The following SGPL1 variants were observed in gnomAD, a reference collection of about 807,000 sequenced individuals.
SGPL1 encodes the protein SP-lyase 1.
A neutral mutation model predicts 68.9 loss-of-function variants in SGPL1; 37 were observed. The ratio of observed to expected loss-of-function variants is 0.54; its 90% CI spans 0.41 to 0.71. SGPL1 has a LOEUF of 0.71. Among genes scored for constraint, SGPL1 ranks in the 30% least tolerant of loss-of-function variants. The pLI is 0.00. For missense variants in SGPL1, 551 were observed against 704.6 expected (o/e 0.78, Z 2.47); for synonymous variants, 236 against 248.5 (o/e 0.95, Z 0.47).
chr10:70,848,144 T>C (rs956750150), intron 3 of SGPL1, among the ~76,000 whole-genome samples: 1 of 152,238 alleles, frequency 6.6e-6, no homozygotes, highest in Admixed American at 6.5e-5. Flanking sequence ...CAGTTTCTTG[T>C]TGTGTCACCT....
intron 6 of SGPL1, among the ~76,000 whole-genome samples, chr10:70,858,596 G>A (rs1846000599): frequency 6.6e-6 from 1 of 152,140 alleles, no homozygotes; most frequent in South Asian, 2.1e-4. Flanking sequence ...CTGATCTTCT[G>A]TGCTTAAAAT....
intron 2 of SGPL1, among the ~76,000 whole-genome samples, chr10:70,825,406 A>T (rs1013394265): frequency 2.3e-4 from 35 of 152,206 alleles, no homozygotes; most frequent in African/African-American, 7.7e-4. Flanking sequence ...GGAGGAGATC[A>T]TCTGGAGGGG....
chr10:70,837,796 T>G (rs1255477140), intron 2 of SGPL1, among the ~76,000 whole-genome samples: 2 of 152,178 alleles, frequency 1.3e-5, no homozygotes, highest in Non-Finnish European at 2.9e-5. Context: ...ATTGGGTAAT[T>G]ATAAACAATA....
At chr10:70,859,160 A>G (rs1349068413) in intron 6 of SGPL1, among the ~76,000 whole-genome samples, 1 of 152,174 alleles carries the variant, frequency 6.6e-6, no homozygotes, top group Non-Finnish European at 1.5e-5. Context: ...AACCATATTT[A>G]TACTTCTTTC....
intron 2 of SGPL1, among the ~76,000 whole-genome samples, chr10:70,819,623 G>A (rs1477250299): frequency 1.4e-5 from 2 of 147,654 alleles, no homozygotes; most frequent in Admixed American, 6.7e-5. Context: ...GTCATGGGAT[G>A]CAGCTTTTTT....
At chr10:70,826,191 T>G (rs1845433126) in intron 2 of SGPL1, among the ~76,000 whole-genome samples, 1 of 151,994 alleles carries the variant, frequency 6.6e-6, no homozygotes, top group Admixed American at 6.6e-5. Flanking sequence ...TCAAAAAAAT[T>G]ACAACACAGT....
At chr10:70,835,023 TCTC>T (rs10599100) in intron 2 of SGPL1, among the ~76,000 whole-genome samples, 52,111 of 151,724 alleles carry the variant, frequency 0.34, 9,241 homozygotes, top group South Asian at 0.5. Flanking sequence ...AACCAGCCAT[TCTC>T]CTCTGCAGAT....
chr10:70,861,733 C>T (rs1846060172), intron 7 of SGPL1, among the ~76,000 whole-genome samples: 1 of 152,206 alleles, frequency 6.6e-6, no homozygotes, highest in African/African-American at 2.4e-5. Flanking sequence ...GCCCCGCACT[C>T]GGAGCAGCCG....
At chr10:70,847,855 T>A (rs1205515510) in intron 3 of SGPL1, among the ~76,000 whole-genome samples, 1 of 152,058 alleles carries the variant, frequency 6.6e-6, no homozygotes, top group African/African-American at 2.4e-5. Context: ...ACTAAAGGAG[T>A]CTGAAGTCTG....
At position 70,816,017 on chromosome 10, in the gene SGPL1, G is replaced by A. The variant is rs1005594891; in HGVS notation, c.-153G>A. 2.6e-5 allele frequency: 4 copies of A among 151,596 alleles called. No individual in the cohort carries two copies. The highest frequency in any genetic ancestry group is 2.9e-5 in the Non-Finnish European group (2 of 67,912). 9.4% of individuals were successfully genotyped at this position (151,596 alleles called of 1,614,324 possible). A position where few individuals can be genotyped will look rare whatever the true frequency, so the allele number is the denominator to read the frequency against. On this transcript the variant is annotated 5_prime_UTR_variant, in exon 1 of 15. Coordinates refer to ENST00000373202, the MANE Select transcript of SGPL1 (RefSeq NM_003901.4). Reference sequence around the variant, plus strand: ...CGGCGGCGGCGGCGGCAACAGGGGAGCCTGGGTCTCGCGGCCTGCGAGTCC... The same window carrying A: ...CGGCGGCGGCGGCGGCAACAGGGGAACCTGGGTCTCGCGGCCTGCGAGTCC...
intron 14 of SGPL1, 59 bp downstream of exon 14, chr10:70,876,720 T>G: frequency 1.3e-6 from 2 of 1,497,972 alleles, no homozygotes; most frequent in East Asian, 2.3e-5. Context: ...GTGGAGAGTT[T>G]GAAGGAATCA....
At chr10:70,816,333 G>A (rs1487450829) in intron 1 of SGPL1, among the ~76,000 whole-genome samples, 1 of 151,544 alleles carries the variant, frequency 6.6e-6, no homozygotes, top group African/African-American at 2.4e-5. Context: ...GCGGGGCCGC[G>A]GTGGGGCGGG....
At chr10:70,867,199 TAAAA>T (rs1390343852) in intron 7 of SGPL1, among the ~76,000 whole-genome samples, 2 of 152,114 alleles carry the variant, frequency 1.3e-5, no homozygotes, top group Non-Finnish European at 2.9e-5. Flanking sequence ...TATTATTTTT[TAAAA>T]AAATAGCCAG....
In SGPL1 at chr10:70,857,695, G is replaced by A. The variant is rs1845988450; in HGVS notation, c.486+5G>A. ...CTCACTGAGCTCCTTGTGAAGGTGA[G>A]TGTCCAGTTCTTGAGGGAAGCCTGT... On this transcript the variant is annotated splice_donor_5th_base_variant and intron_variant, in intron 6 of 14. Coordinates refer to ENST00000373202, the MANE Select transcript of SGPL1 (RefSeq NM_003901.4). The A allele has an allele frequency of 1.2e-6, 2 of 1,605,484 alleles. No individual in the cohort carries two copies. The highest frequency in any genetic ancestry group is 1.3e-5 in the African/African-American group (1 of 74,762).
intron 7 of SGPL1, among the ~76,000 whole-genome samples, chr10:70,864,294 C>A (rs1203978483): frequency 6.6e-6 from 1 of 152,164 alleles, no homozygotes; most frequent in African/African-American, 2.4e-5. Context: ...CCATCGCAGT[C>A]ATTCTCTGTA....
At chr10:70,858,469 A>G (rs1203393703) in intron 6 of SGPL1, among the ~76,000 whole-genome samples, 3 of 152,190 alleles carry the variant, frequency 2.0e-5, no homozygotes, top group Non-Finnish European at 2.9e-5. Context: ...CCACTTCATC[A>G]TATAAAATTG....
intron 12 of SGPL1, among the ~76,000 whole-genome samples, chr10:70,874,197 C>T (rs1846345415): frequency 6.6e-6 from 1 of 152,214 alleles, no homozygotes; most frequent in Admixed American, 6.5e-5. Context: ...AACATCTTAT[C>T]TGCCCATCTC....
chr10:70,869,867 A>G lies in SGPL1; in HGVS notation c.780A>G (p.Pro260=), dbSNP rs1185104562. The change falls in exon 9 of 15, where the codon CCA becomes CCG. Residue 260 remains proline, a synonymous_variant. Coordinates refer to ENST00000373202, the MANE Select transcript of SGPL1 (RefSeq NM_003901.4). Reference sequence around the variant, plus strand: ...TTGGGATGAAGATTGTGCGGGTCCCATTGACGAAGATGATGGAGGTGGATG... The same window carrying G: ...TTGGGATGAAGATTGTGCGGGTCCCGTTGACGAAGATGATGGAGGTGGATG... ...SYFGMKIVRV[P]LTKMMEVDVR... 1 of 1,614,084 alleles carries G rather than the reference A, an allele frequency of 6.2e-7. No homozygotes were observed.
intron 4 of SGPL1, among the ~76,000 whole-genome samples, chr10:70,853,284 C>T (rs1396487405): frequency 6.6e-6 from 1 of 152,124 alleles, no homozygotes; most frequent in African/African-American, 2.4e-5. Flanking sequence ...TCACTGAGGG[C>T]CATATCTAAG....
Sources: gnomAD v4.1 joint callset for allele counts (sites outside exome capture counted in the v4.1 genomes callset) on GRCh38, gnomAD v4.1.1 for gene constraint, MANE v1.5 for transcripts, NCBI Gene and HGNC (gene_info 2026-07-23, HGNC 2026-07-21) for gene names.